Variants in CMIP observed in about 807,000 individuals in gnomAD.
CMIP encodes the protein c-Maf inducing protein.
CMIP carries 13 observed loss-of-function variants against 97.3 expected under a neutral mutation model. The observed-to-expected ratio is 0.13, with a 90% CI of 0.09 to 0.21. The LOEUF is 0.21. Among genes scored for constraint, CMIP ranks in the 10% least tolerant of loss-of-function variants. The pLI, the probability that CMIP is intolerant of heterozygous loss-of-function variation, is 1.00. For missense variants in CMIP, 847 were observed against 1,024.9 expected (o/e 0.83, Z 2.37); for synonymous variants, 538 against 436.3 (o/e 1.23, Z -2.91).
chr16:81,613,763 A>G (rs1276185562), intron 2 of CMIP, among the ~76,000 whole-genome samples: 1 of 152,262 alleles, frequency 6.6e-6, no homozygotes, highest in South Asian at 2.1e-4. Context: ...CAGAATGGGT[A>G]TATGAATGCC....
At chr16:81,452,510 C>T (rs1435801872) in intron 1 of CMIP, among the ~76,000 whole-genome samples, 2 of 152,060 alleles carry the variant, frequency 1.3e-5, no homozygotes, top group African/African-American at 2.4e-5. Flanking sequence ...TTATAAAATC[C>T]GATGACAGGG....
At chr16:81,580,347 G>C (rs1438992419) in intron 1 of CMIP, among the ~76,000 whole-genome samples, 1 of 152,126 alleles carries the variant, frequency 6.6e-6, no homozygotes, top group Non-Finnish European at 1.5e-5. Flanking sequence ...AGGTATTTTT[G>C]TCTTTCTAAT....
intron 1 of CMIP, among the ~76,000 whole-genome samples, chr16:81,530,260 T>C (rs1322150696): frequency 6.6e-6 from 1 of 152,216 alleles, no homozygotes; most frequent in African/African-American, 2.4e-5. Context: ...ATTCTGATAC[T>C]TTATTACCCC....
At chr16:81,573,310 C>T (rs1597103829) in intron 1 of CMIP, among the ~76,000 whole-genome samples, 1 of 151,178 alleles carries the variant, frequency 6.6e-6, no homozygotes, top group East Asian at 1.9e-4. Flanking sequence ...CGTCACTGCA[C>T]TCCAGCCTGG....
chr16:81,707,626 C>G (rs1216872993), intron 20 of CMIP, among the ~76,000 whole-genome samples: 1 of 152,240 alleles, frequency 6.6e-6, no homozygotes, highest in Non-Finnish European at 1.5e-5. Flanking sequence ...GAGGGCTGCG[C>G]TGCACCGGCA....
At chr16:81,568,131 G>A (rs2091017618) in intron 1 of CMIP, among the ~76,000 whole-genome samples, 1 of 150,544 alleles carries the variant, frequency 6.6e-6, no homozygotes, top group Non-Finnish European at 1.5e-5. Context: ...AGAGGGACCA[G>A]GGCCTTGCCT....
At chr16:81,585,540 A>T (rs2091367582) in intron 1 of CMIP, among the ~76,000 whole-genome samples, 1 of 152,150 alleles carries the variant, frequency 6.6e-6, no homozygotes, top group Admixed American at 6.5e-5. Context: ...CCTATTCTGG[A>T]CATTTCATAT....
At chr16:81,455,113 G>C (rs752040973) in intron 1 of CMIP, among the ~76,000 whole-genome samples, 1 of 152,218 alleles carries the variant, frequency 6.6e-6, no homozygotes, top group Non-Finnish European at 1.5e-5. Flanking sequence ...GGGGCGGGTG[G>C]TGCTTTACGA....
chr16:81,591,450 C>T lies in CMIP; in HGVS notation c.301-16117C>T, dbSNP rs116273826. On this transcript the variant is annotated intron_variant, in intron 1 of 20. Coordinates refer to ENST00000537098, the MANE Select transcript of CMIP (RefSeq NM_198390.3). ...GAGAACCCAGAGGCAGAGTGCCCTTCTTTCCATACTGGCATCTGGGGGAGG... is the reference window on the plus strand; with the variant it reads ...GAGAACCCAGAGGCAGAGTGCCCTTTTTTCCATACTGGCATCTGGGGGAGG... 7.9e-3 allele frequency among the ~76,000 whole-genome samples: 1,209 copies of T among 152,306 alleles called. 17 individuals are homozygous for T. Among genetic ancestry groups the T allele is most frequent in the African/African-American group, 0.027 (1,131 of 41,564 alleles).
chr16:81,578,816 AGCCC>A lies in CMIP; in HGVS notation c.301-28749_301-28746del, dbSNP rs2091246518. ...CGTCGGAAAAGTTCCATGGCAGATA[AGCCC>A]GTGCCATTGCAGGGAAGCCTTCACT... On this transcript the variant is annotated intron_variant, in intron 1 of 20. Transcript: ENST00000537098. Among the ~76,000 whole-genome samples the A allele has an allele frequency of 2.0e-5, 3 of 152,216 alleles. No homozygotes were observed. In the South Asian group the frequency reaches 6.2e-4, roughly 31 times the overall value.
intron 1 of CMIP, among the ~76,000 whole-genome samples, chr16:81,512,091 T>C (rs79041946): frequency 0.055 from 8,444 of 152,350 alleles, 254 homozygotes; most frequent in South Asian, 0.11. Flanking sequence ...AATATATTAT[T>C]AACATTGATT....
intron 3 of CMIP, among the ~76,000 whole-genome samples, chr16:81,647,084 A>G (rs1261815671): frequency 1.3e-5 from 2 of 152,240 alleles, no homozygotes; most frequent in Admixed American, 6.5e-5. Context: ...AACACACAAG[A>G]TTCCCAGTTT....
At chr16:81,567,437 G>A (rs965974336) in intron 1 of CMIP, among the ~76,000 whole-genome samples, 1 of 152,232 alleles carries the variant, frequency 6.6e-6, no homozygotes, top group Non-Finnish European at 1.5e-5. Flanking sequence ...TCCAAGTCAG[G>A]CAGTATTTGG....
chr16:81,497,412 G>A (rs1295570898), intron 1 of CMIP, among the ~76,000 whole-genome samples: 2 of 152,218 alleles, frequency 1.3e-5, no homozygotes, highest in Non-Finnish European at 2.9e-5. Context: ...GCCACTTAGA[G>A]CTGGAGCTCA....
chr16:81,647,081 A>C (rs953089719), intron 3 of CMIP, among the ~76,000 whole-genome samples: 6 of 152,368 alleles, frequency 3.9e-5, no homozygotes, highest in Non-Finnish European at 8.8e-5. Context: ...AGCAACACAC[A>C]AGATTCCCAG....
chr16:81,532,845 C>G (rs1037466688), intron 1 of CMIP, among the ~76,000 whole-genome samples: 6 of 152,150 alleles, frequency 3.9e-5, no homozygotes, highest in Non-Finnish European at 5.9e-5. Flanking sequence ...TTGCCTCCTG[C>G]GCCTCTCTGC....
intron 1 of CMIP, among the ~76,000 whole-genome samples, chr16:81,588,284 C>CT (rs1184219690): frequency 1.3e-5 from 2 of 152,228 alleles, no homozygotes; most frequent in Non-Finnish European, 2.9e-5. Flanking sequence ...CCAAGTCTGT[C>CT]TTTCAAAGTA....
rs1320808335 is a variant in CMIP at position 81,621,983 on chromosome 16, G to A, written c.477+1057G>A. 3 of 152,262 alleles carry A rather than the reference G, an allele frequency of 2.0e-5. No individual in the cohort carries two copies. The highest frequency in any genetic ancestry group is 4.4e-5 in the Non-Finnish European group (3 of 68,064). 9.4% of individuals were successfully genotyped at this position (152,262 alleles called of 1,614,324 possible). On this transcript the variant is annotated intron_variant, in intron 3 of 20. Coordinates refer to ENST00000537098, the MANE Select transcript of CMIP (RefSeq NM_198390.3). The surrounding 1 kb of genome is among the most constrained non-coding windows in gnomAD (Gnocchi z 4.1). Reference sequence around the variant, plus strand: ...CTCAGAAGCTGAGCTGAGTCTCCACGTTGGGTTGCAAAGGGGAAGAGAACT... The same window carrying A: ...CTCAGAAGCTGAGCTGAGTCTCCACATTGGGTTGCAAAGGGGAAGAGAACT...
intron 1 of CMIP, among the ~76,000 whole-genome samples, chr16:81,570,232 G>T (rs1027711727): frequency 6.6e-6 from 1 of 152,176 alleles, no homozygotes; most frequent in Non-Finnish European, 1.5e-5. Context: ...AGCCACAGAG[G>T]GGGTGGAGAA....
Sources: allele counts gnomAD v4.1 joint callset (sites outside exome capture counted in the v4.1 genomes callset), GRCh38; gene constraint gnomAD v4.1.1; non-coding constraint Gnocchi (gnomAD v3.1); transcripts MANE v1.5; gene names NCBI Gene and HGNC (gene_info 2026-07-23, HGNC 2026-07-21).